The following CAPN15 variants were observed in gnomAD, a reference collection of about 807,000 sequenced individuals.
The protein encoded by CAPN15 is calpain 15.
Under a neutral mutation model 97.9 loss-of-function variants are expected in CAPN15, and 53 were observed. The ratio of observed to expected loss-of-function variants is 0.54; its 90% CI spans 0.43 to 0.68. The LOEUF is 0.68. CAPN15 is among the 30% of genes least tolerant of loss of function. The pLI is 0.00. For missense variants in CAPN15, 1,592 were observed against 1,589.8 expected (o/e 1.00, Z -0.02); for synonymous variants, 922 against 722.5 (o/e 1.28, Z -4.43).
chr16:543,235 C>T (rs966667019), intron 3 of CAPN15: 2 of 154,646 alleles, frequency 1.3e-5, no homozygotes, highest in African/African-American at 4.8e-5. Flanking sequence ...GGACTCTCGG[C>T]CCCTGCTTTT....
intron 4 of CAPN15, among the ~76,000 whole-genome samples, chr16:548,608 C>T (rs546152111): frequency 3.9e-5 from 6 of 152,350 alleles, no homozygotes; most frequent in African/African-American, 1.2e-4. Context: ...CGTGGAGACC[C>T]CGCTGAAGTG....
At chr16:531,362 C>T (rs968045450) in intron 1 of CAPN15, among the ~76,000 whole-genome samples, 1 of 152,182 alleles carries the variant, frequency 6.6e-6, no homozygotes, top group African/African-American at 2.4e-5. Context: ...CACACCCAGC[C>T]TCTGCCCTTT....
chr16:531,039 C>T (rs779088193), intron 1 of CAPN15, among the ~76,000 whole-genome samples: 17 of 152,294 alleles, frequency 1.1e-4, no homozygotes, highest in African/African-American at 3.6e-4. Flanking sequence ...CGGTCCTAGA[C>T]GGGATGTCAG....
chr16:553,569 G>A lies in CAPN15; in HGVS notation c.*53G>A, dbSNP rs1264764794. 6.3e-5 allele frequency: 74 copies of A among 1,168,934 alleles called. No homozygotes were observed. Among genetic ancestry groups the A allele is most frequent in the African/African-American group, 9.5e-5 (6 of 63,428 alleles). The allele number at this position is 1,168,934 out of a possible 1,614,324, so 72.4% of individuals were successfully genotyped here. A position where few individuals can be genotyped will look rare whatever the true frequency, so the allele number is the denominator to read the frequency against. On this transcript the variant is annotated 3_prime_UTR_variant, in exon 14 of 14. Coordinates refer to ENST00000219611, the MANE Select transcript of CAPN15 (RefSeq NM_005632.3). Reference sequence around the variant, plus strand: ...ACAGACGGACCCCCCACCCCCACACGCACTTTATGAGGGAGACCCCGACAG... The same window carrying A: ...ACAGACGGACCCCCCACCCCCACACACACTTTATGAGGGAGACCCCGACAG...
In CAPN15 at chr16:552,298, C is replaced by T. The variant is rs1445852908; in HGVS notation, c.2508-3C>T. 38 of 1,550,442 alleles carry T rather than the reference C, an allele frequency of 2.5e-5. No homozygotes were observed. In the East Asian group the frequency reaches 7.7e-4, roughly 32 times the overall value. On this transcript the variant is annotated splice_region_variant and splice_polypyrimidine_tract_variant and intron_variant, in intron 10 of 13. Coordinates refer to ENST00000219611, the MANE Select transcript of CAPN15 (RefSeq NM_005632.3). This position sits in a 1 kb window ranked among gnomAD's most constrained non-coding sequence, Gnocchi z 6.4. ...TGACCCTGGCCCGTGGTGTCTGGCG[C>T]AGGCGCTCGGACGCCGTGGACAGCC... is the stretch of plus-strand genomic sequence containing the variant.
Position 547,806 on chromosome 16 carries a change from A to G in CAPN15, c.968A>G (p.Asp323Gly). 1 of 1,611,908 alleles carries G rather than the reference A, an allele frequency of 6.2e-7. No homozygotes were observed. The highest frequency in any genetic ancestry group is 8.5e-7 in the Non-Finnish European group (1 of 1,179,624). The change falls in exon 4 of 14, where the codon GAC becomes GGC. Residue 323 changes from aspartate to glycine, a missense_variant. Asp to Gly is a moderately conservative substitution (Grantham distance 94). This residue lies in a region of CAPN15 where 883 missense variants were observed against 776.6 expected (regional missense o/e 1.14). Transcript: ENST00000219611. ...GSSTSGSDII[D>G]LAGDTVRYTP... Reference sequence around the variant, plus strand: ...TCCACCTCGGGCAGTGACATCATTGACCTGGCCGGAGACACCGTGCGTTAC... The same window carrying G: ...TCCACCTCGGGCAGTGACATCATTGGCCTGGCCGGAGACACCGTGCGTTAC...
rs1373552314 is a variant in CAPN15 at position 552,234 on chromosome 16, C to CGGGCT, written c.2507+33_2507+37dup. 82 of 1,531,618 alleles carry CGGGCT rather than the reference C, an allele frequency of 5.4e-5. No individual in the cohort carries two copies. The highest frequency in any genetic ancestry group is 4.4e-4 in the African/African-American group (32 of 72,810). 94.9% of individuals were successfully genotyped at this position (1,531,618 alleles called of 1,614,324 possible). A position where few individuals can be genotyped will look rare whatever the true frequency, so the allele number is the denominator to read the frequency against. On this transcript the variant is annotated intron_variant, in intron 10 of 13. Coordinates refer to ENST00000219611, the MANE Select transcript of CAPN15 (RefSeq NM_005632.3). The surrounding 1 kb of genome is among the most constrained non-coding windows in gnomAD (Gnocchi z 6.4). ...GCAGGTGGGTGCTGCGGGGCCCCAT[C>CGGGCT]GGGCTGGGCTGGGCTAGGCTGGCGG... is the stretch of plus-strand genomic sequence containing the variant.
chr16:541,078 C>T (rs1174439795), intron 3 of CAPN15, among the ~76,000 whole-genome samples: 1 of 152,250 alleles, frequency 6.6e-6, no homozygotes, highest in Non-Finnish European at 1.5e-5. Context: ...GCGTCTCACA[C>T]TCAAAAGGGC....
chr16:553,711 G>T lies in CAPN15; in HGVS notation c.*195G>T, dbSNP rs2035271860. Reference sequence around the variant, plus strand: ...CTCCCTGAACCCCACAGTCCGCCTGGCCAGGCCTCCTGGCCGCCACGCAGA... The same window carrying T: ...CTCCCTGAACCCCACAGTCCGCCTGTCCAGGCCTCCTGGCCGCCACGCAGA... On this transcript the variant is annotated 3_prime_UTR_variant, in exon 14 of 14. Transcript: ENST00000219611. 2.1e-6 allele frequency: 1 copy of T among 483,206 alleles called. No individual in the cohort carries two copies. Among genetic ancestry groups the T allele is most frequent in the East Asian group, 3.4e-5 (1 of 29,710 alleles). The allele number at this position is 483,206 out of a possible 1,614,324, so 29.9% of individuals were successfully genotyped here.
At chr16:542,921 G>A (rs765520343) in intron 3 of CAPN15, among the ~76,000 whole-genome samples, 1 of 152,110 alleles carries the variant, frequency 6.6e-6, no homozygotes, top group South Asian at 2.1e-4. Context: ...CGTGGTGACG[G>A]GCACCTATAA....
chr16:550,542 A>T (rs1468994693), intron 7 of CAPN15, among the ~76,000 whole-genome samples: 1 of 152,236 alleles, frequency 6.6e-6, no homozygotes, highest in African/African-American at 2.4e-5. Flanking sequence ...GGCACTGGTC[A>T]GCAAGGCCCC....
In CAPN15 at chr16:549,116, G is replaced by A. The variant is rs139411778; in HGVS notation, c.1573G>A (p.Val525Ile). ...GCGACCCCAGGAGATCAACTGCTCC[G>A]TCTTCAGGGACCACAGGGCCACGTG... ...WLRPQEINCS[V>I]FRDHRATWSV... Residue 525 changes from valine to isoleucine, a missense_variant, in exon 5 of 14, where the codon GTC becomes ATC. This residue lies in a region of CAPN15 where 883 missense variants were observed against 776.6 expected (regional missense o/e 1.14). Coordinates refer to ENST00000219611, the MANE Select transcript of CAPN15 (RefSeq NM_005632.3). The A allele has an allele frequency of 3.5e-4, 557 of 1,612,274 alleles. 1 individual carries two copies. Among genetic ancestry groups the A allele is most frequent in the Middle Eastern group, 9.9e-4 (6 of 6,060 alleles).
chr16:534,194 C>T (rs1042468306), intron 2 of CAPN15, among the ~76,000 whole-genome samples, 196 bp downstream of exon 2: 1 of 152,262 alleles, frequency 6.6e-6, no homozygotes, highest in Non-Finnish European at 1.5e-5. Context: ...GTGGTCCTGT[C>T]GTGGGAGGCG....
chr16:540,151 C>T, intron 3 of CAPN15: 2 of 985,506 alleles, frequency 2.0e-6, no homozygotes, highest in Non-Finnish European at 2.4e-6. Flanking sequence ...CCAGAGGTGA[C>T]CAGGTCCGGC....
At chr16:532,369 C>T (rs1005498814) in intron 1 of CAPN15, among the ~76,000 whole-genome samples, 9 of 144,618 alleles carry the variant, frequency 6.2e-5, no homozygotes, top group African/African-American at 1.0e-4. Context: ...GCATGGCCAA[C>T]GTGACGAAAC....
chr16:548,477 C>T (rs1222206527), intron 4 of CAPN15, among the ~76,000 whole-genome samples, 190 bp downstream of exon 4: 1 of 152,234 alleles, frequency 6.6e-6, no homozygotes, highest in East Asian at 1.9e-4. Context: ...GCCTCCTGAC[C>T]CTTGGTCCTT....
At chr16:548,337 C>T in intron 4 of CAPN15, 50 bp downstream of exon 4, 6 of 1,421,084 alleles carry the variant, frequency 4.2e-6, no homozygotes, top group Non-Finnish European at 5.5e-6. Flanking sequence ...CTGCTCCCGC[C>T]CTCCCCTTCC....
chr16:543,119 C>T (rs945415607), intron 3 of CAPN15, among the ~76,000 whole-genome samples: 6 of 152,068 alleles, frequency 3.9e-5, no homozygotes, highest in African/African-American at 1.5e-4. Flanking sequence ...TGCCACCGCA[C>T]TCCAGCTTGG....
intron 2 of CAPN15, among the ~76,000 whole-genome samples, chr16:534,234 G>GGCCGTGGTCCTGTCGTGGGC (rs1555440868): frequency 6.8e-6 from 1 of 146,334 alleles, no homozygotes; most frequent in African/African-American, 2.8e-5. Flanking sequence ...GTCCCGACAG[G>GGCCGTGGTCCTGTCGTGGGC]GGTGTTTGTC....
Sources: gnomAD v4.1 joint callset for allele counts (sites outside exome capture counted in the v4.1 genomes callset) on GRCh38, gnomAD v4.1.1 for gene constraint, gnomAD v4.1.1 regional missense constraint, Gnocchi (gnomAD v3.1) non-coding constraint, MANE v1.5 for transcripts, NCBI Gene and HGNC (gene_info 2026-07-23, HGNC 2026-07-21) for gene names.